Variants in ARHGEF4 observed in about 807,000 individuals in gnomAD.
ARHGEF4 encodes the protein APC-stimulated guanine nucleotide exchange factor 1.
A neutral mutation model predicts 162.0 loss-of-function variants in ARHGEF4; 119 were observed. That is an observed-to-expected ratio of 0.73 (90% confidence interval 0.63 to 0.86). The LOEUF is 0.86. Among genes scored for constraint, ARHGEF4 ranks in the 40% least tolerant of loss-of-function variants. The pLI is 0.00. For missense variants in ARHGEF4, 2,488 were observed against 2,456.0 expected (o/e 1.01, Z -0.28); for synonymous variants, 1,014 against 979.9 (o/e 1.03, Z -0.65).
chr2:131,037,432 G>T (rs1337203129), intron 5 of ARHGEF4, among the ~76,000 whole-genome samples: 1 of 152,144 alleles, frequency 6.6e-6, no homozygotes, highest in Non-Finnish European at 1.5e-5. Flanking sequence ...TTGAGGTGAG[G>T]ATTCACACAG....
Position 130,916,897 on chromosome 2 carries a change from C to A in ARHGEF4, c.2951C>A (p.Thr984Asn), listed in dbSNP as rs1034901904. The change falls in exon 2 of 14, where the codon ACC becomes AAC. Residue 984 changes from threonine (T) to asparagine (N), a missense_variant. Thr to Asn is a moderately conservative substitution (Grantham distance 65). Around this residue, in one of 6 missense-constraint regions of ARHGEF4, gnomAD observed 1,642 missense variants for 1,481.5 expected, o/e 1.11. Transcript: ENST00000409359. Reference sequence around the variant, plus strand: ...CCCGAAGTTCTCTCCCCAGCAGAGACCGACAGCCACTGTGAGGAACGGGCG... The same window carrying A: ...CCCGAAGTTCTCTCCCCAGCAGAGAACGACAGCCACTGTGAGGAACGGGCG... The part of the protein sequence containing the change: ...LGPEVLSPAE[T>N]DSHCEERAED... 5.8e-6 allele frequency: 9 copies of A among 1,550,396 alleles called. No individual in the cohort carries two copies. Among genetic ancestry groups the A allele is most frequent in the Non-Finnish European group, 7.8e-6 (9 of 1,147,008 alleles).
intron 1 of ARHGEF4, among the ~76,000 whole-genome samples, chr2:130,840,154 C>A (rs868709316): frequency 6.6e-6 from 1 of 152,114 alleles, no homozygotes. Flanking sequence ...TGGGCACACA[C>A]ACACACAGGC....
intron 4 of ARHGEF4, among the ~76,000 whole-genome samples, chr2:130,994,417 C>T (rs1181496522): frequency 6.6e-6 from 1 of 152,142 alleles, no homozygotes; most frequent in East Asian, 1.9e-4. Context: ...TGTGGGCAGA[C>T]CTATCTTATA....
Position 131,040,241 on chromosome 2 carries a change from C to T in ARHGEF4, c.4483-20C>T. The T allele has an allele frequency of 1.2e-6, 2 of 1,611,342 alleles. No individual in the cohort carries two copies. The highest frequency in any genetic ancestry group is 1.1e-5 in the South Asian group (1 of 90,888). The stretch of plus-strand genomic sequence containing the variant: ...GACTGGGGACCCGGTCGGGGGAGGC[C>T]TAACCACGTCCGCCCGCAGGGCTAC... On this transcript the variant is annotated intron_variant, in intron 7 of 13. Transcript: ENST00000409359.
intron 5 of ARHGEF4, among the ~76,000 whole-genome samples, chr2:131,031,918 C>T (rs77570911): frequency 0.024 from 3,703 of 152,288 alleles, 149 homozygotes; most frequent in African/African-American, 0.084. Flanking sequence ...GAGTGACCAC[C>T]CAGCTCCCTC....
rs1175416071 is a variant in ARHGEF4 at position 130,915,857 on chromosome 2, G to A, written c.1911G>A (p.Glu637=). 3 of 1,544,474 alleles carry A rather than the reference G, an allele frequency of 1.9e-6. No homozygotes were observed. The highest frequency in any genetic ancestry group is 2.6e-6 in the Non-Finnish European group (3 of 1,144,128). The part of the protein sequence containing the change: ...GRGALIIVAV[E]QKGLQASRSN... The stretch of plus-strand genomic sequence containing the variant: ...GCGCCCTCATCATTGTAGCTGTGGA[G>A]CAGAAAGGTCTTCAGGCCAGCAGGA... Residue 637 remains glutamate, a synonymous_variant, in exon 2 of 14, where the codon GAG becomes GAA. Coordinates refer to ENST00000409359, the MANE Select transcript of ARHGEF4 (RefSeq NM_001367493.1).
intron 5 of ARHGEF4, among the ~76,000 whole-genome samples, chr2:131,032,117 G>A (rs1244445544): frequency 6.6e-6 from 1 of 152,100 alleles, no homozygotes; most frequent in Non-Finnish European, 1.5e-5. Context: ...ACCTCATGGA[G>A]TGCCTAAGCC....
chr2:131,039,561 GGTCCCAGGCCCTGGT>G, intron 6 of ARHGEF4: 1 of 1,036,260 alleles, frequency 9.7e-7, no homozygotes, highest in Non-Finnish European at 1.2e-6. Context: ...CCGGCGGGGA[GGTCCCAGGCCCTGGT>G]GTTCAGATGC....
rs562807842 is a variant in ARHGEF4 at position 130,903,960 on chromosome 2, T to C, written c.40-10026T>C. Among the ~76,000 whole-genome samples, 3 of 152,356 alleles carry C rather than the reference T, an allele frequency of 2.0e-5. No homozygotes were observed. The East Asian group carries it at 5.8e-4, about 29-fold the overall frequency. On this transcript the variant is annotated intron_variant, in intron 1 of 13. Transcript: ENST00000409359. ...ACCTAAGTTGATTCCATGTCTTTGCTATTGTGAATAGCACTACATAGAAGT... is the reference window on the plus strand; with the variant it reads ...ACCTAAGTTGATTCCATGTCTTTGCCATTGTGAATAGCACTACATAGAAGT...
Position 131,046,422 on chromosome 2 carries a change from C to T in ARHGEF4, c.*233C>T, listed in dbSNP as rs1004068945. On this transcript the variant is annotated 3_prime_UTR_variant, in exon 14 of 14. Transcript: ENST00000409359. Reference sequence around the variant, plus strand: ...GCAGACCCCGCACTCGCCACACCGCCGCTGCAGCTTGGGCCCCATCCGCCC... The same window carrying T: ...GCAGACCCCGCACTCGCCACACCGCTGCTGCAGCTTGGGCCCCATCCGCCC... 7.4e-6 allele frequency: 4 copies of T among 539,718 alleles called. No individual in the cohort carries two copies. Among genetic ancestry groups the T allele is most frequent in the East Asian group, 3.1e-5 (1 of 32,006 alleles). The allele number at this position is 539,718 out of a possible 1,614,324, so 33.4% of individuals were successfully genotyped here.
At chr2:130,880,082 C>T (rs1279126342) in intron 1 of ARHGEF4, among the ~76,000 whole-genome samples, 2 of 152,200 alleles carry the variant, frequency 1.3e-5, no homozygotes, top group African/African-American at 4.8e-5. Flanking sequence ...CACGCGATGC[C>T]ATTTACTCCT....
chr2:130,873,080 G>T (rs1173175206), intron 1 of ARHGEF4, among the ~76,000 whole-genome samples: 3 of 152,234 alleles, frequency 2.0e-5, no homozygotes, highest in African/African-American at 7.2e-5. Context: ...AGTCTCCAGG[G>T]GAATGGGCAC....
intron 1 of ARHGEF4, among the ~76,000 whole-genome samples, chr2:130,861,275 TTTTATTTA>T (rs1230252190): frequency 1.7e-4 from 3 of 18,068 alleles, no homozygotes; most frequent in African/African-American, 1.1e-3. Context: ...TTTAAATTTA[TTTTATTTA>T]TTTATTTATT....
chr2:130,955,876 A>G (rs1574294658), intron 4 of ARHGEF4, among the ~76,000 whole-genome samples: 1 of 151,988 alleles, frequency 6.6e-6, no homozygotes, highest in Admixed American at 6.6e-5. Flanking sequence ...CTTCACTGCA[A>G]CCTCCACTGT....
chr2:130,850,381 C>G (rs1681321205), intron 1 of ARHGEF4, among the ~76,000 whole-genome samples: 1 of 152,210 alleles, frequency 6.6e-6, no homozygotes, highest in South Asian at 2.1e-4. Context: ...CCAAGTCTGC[C>G]TAGGCAGCTG....
At chr2:130,961,966 C>A (rs933231967) in intron 4 of ARHGEF4, among the ~76,000 whole-genome samples, 1 of 152,064 alleles carries the variant, frequency 6.6e-6, no homozygotes, top group Non-Finnish European at 1.5e-5. Flanking sequence ...GCAGGCCGGG[C>A]GCGGTGGCTC....
At chr2:130,880,892 C>G (rs1679145303) in intron 1 of ARHGEF4, among the ~76,000 whole-genome samples, 1 of 151,784 alleles carries the variant, frequency 6.6e-6, no homozygotes, top group Admixed American at 6.6e-5. Context: ...AACATAGACT[C>G]ATAATATGAG....
intron 1 of ARHGEF4, among the ~76,000 whole-genome samples, chr2:130,874,931 A>C (rs1316929964): frequency 2.0e-5 from 3 of 152,072 alleles, no homozygotes; most frequent in African/African-American, 7.2e-5. Context: ...GACTCATCCA[A>C]GTTGTGCATA....
At chr2:130,865,369 G>T (rs6752315) in intron 1 of ARHGEF4, among the ~76,000 whole-genome samples, 13 of 152,216 alleles carry the variant, frequency 8.5e-5, no homozygotes, top group African/African-American at 3.1e-4. Flanking sequence ...GTCATGCCTT[G>T]TATTAAATGG....
Sources: allele counts gnomAD v4.1 joint callset (sites outside exome capture counted in the v4.1 genomes callset), GRCh38; gene constraint gnomAD v4.1.1; regional missense constraint gnomAD v4.1.1; transcripts MANE v1.5; gene names NCBI Gene and HGNC (gene_info 2026-07-23, HGNC 2026-07-21).